Variants in MLLT3 observed in about 807,000 individuals in gnomAD.
MLLT3 encodes the protein protein AF-9.
In MLLT3, 4 loss-of-function variants were observed where a neutral mutation model predicts 53.2. The observed-to-expected ratio is 0.08, with a 90% CI of 0.04 to 0.17. MLLT3 has a LOEUF of 0.17. MLLT3 is among the 10% of genes least tolerant of loss of function. The pLI, the probability that MLLT3 is intolerant of heterozygous loss-of-function variation, is 1.00. For missense variants in MLLT3, 569 were observed against 684.0 expected (o/e 0.83, Z 1.87); for synonymous variants, 283 against 230.6 (o/e 1.23, Z -2.06).
At position 20,346,234 on chromosome 9, in the gene MLLT3, T is replaced by C. The variant is rs1587135027; in HGVS notation, c.*209A>G. The C allele has an allele frequency of 2.1e-6, 1 of 476,060 alleles. No homozygotes were observed. Among genetic ancestry groups the C allele is most frequent in the Non-Finnish European group, 3.6e-6 (1 of 277,960 alleles). The allele number at this position is 476,060 out of a possible 1,614,324, so 29.5% of individuals were successfully genotyped here. A position where few individuals can be genotyped will look rare whatever the true frequency, so the allele number is the denominator to read the frequency against. On this transcript the variant is annotated 3_prime_UTR_variant, in exon 11 of 11. Coordinates refer to ENST00000380338, the MANE Select transcript of MLLT3 (RefSeq NM_004529.4). ...GAGAAGAGTGGTCCGCTGAGGCTGG[T>C]TTGCTTTAACCTCTCCTTTATCAAG...
chr9:20,351,779 G>A (rs1821035540), intron 10 of MLLT3, among the ~76,000 whole-genome samples: 1 of 152,180 alleles, frequency 6.6e-6, no homozygotes, highest in Non-Finnish European at 1.5e-5. Context: ...GAGATGAGCA[G>A]CCCTCAAGGT....
chr9:20,432,138 G>T (rs773961237), intron 4 of MLLT3, among the ~76,000 whole-genome samples: 8 of 152,130 alleles, frequency 5.3e-5, no homozygotes, highest in Non-Finnish European at 1.2e-4. Flanking sequence ...TTCAAATTCA[G>T]CAGATACTTA....
intron 5 of MLLT3, among the ~76,000 whole-genome samples, chr9:20,401,199 T>TA (rs1822445165): frequency 1.3e-5 from 2 of 152,174 alleles, no homozygotes; most frequent in South Asian, 4.1e-4. Flanking sequence ...TACATGAAGG[T>TA]AAAGCTCTGC....
chr9:20,354,490 C>T (rs530044181), intron 9 of MLLT3, among the ~76,000 whole-genome samples: 1 of 152,352 alleles, frequency 6.6e-6, no homozygotes, highest in African/African-American at 2.4e-5. Context: ...AGATGTCTTG[C>T]TCATCTACAT....
At chr9:20,355,095 T>TAAAAAAAAAAA (rs531598773) in intron 8 of MLLT3, among the ~76,000 whole-genome samples, 6 of 64,154 alleles carry the variant, frequency 9.4e-5, no homozygotes, top group African/African-American at 3.3e-4. Flanking sequence ...AAAGTAGAAC[T>TAAAAAAAAAAA]AAAAAAAAAA....
At chr9:20,503,375 C>T (rs748628813) in intron 2 of MLLT3, among the ~76,000 whole-genome samples, 1 of 152,018 alleles carries the variant, frequency 6.6e-6, no homozygotes, top group Admixed American at 6.5e-5. Flanking sequence ...GAATAGAGGG[C>T]CCAGAAATAA....
intron 5 of MLLT3, among the ~76,000 whole-genome samples, chr9:20,372,554 A>ATTTTTTTTTTTTT (rs34889625): frequency 1.2e-5 from 1 of 82,224 alleles, no homozygotes. Context: ...CGCCCGGCTA[A>ATTTTTTTTTTTTT]TTTTTTTTTT....
At chr9:20,367,877 T>C (rs1296914551) in intron 5 of MLLT3, among the ~76,000 whole-genome samples, 2 of 152,206 alleles carry the variant, frequency 1.3e-5, no homozygotes, top group African/African-American at 4.8e-5. Context: ...TTTCCAGCAC[T>C]GAATTCTCAC....
chr9:20,554,011 T>G (rs138430106), intron 2 of MLLT3, among the ~76,000 whole-genome samples: 27 of 152,286 alleles, frequency 1.8e-4, no homozygotes, highest in African/African-American at 6.3e-4. Context: ...CCAGCAGCTT[T>G]TCATACCCTT....
intron 2 of MLLT3, among the ~76,000 whole-genome samples, chr9:20,558,188 A>G (rs912222106): frequency 6.6e-6 from 1 of 152,214 alleles, no homozygotes; most frequent in African/African-American, 2.4e-5. Flanking sequence ...GACCACTACA[A>G]CAACCATCCC....
intron 2 of MLLT3, among the ~76,000 whole-genome samples, chr9:20,569,657 C>T (rs371241621): frequency 1.3e-5 from 2 of 152,126 alleles, no homozygotes; most frequent in African/African-American, 2.4e-5. Context: ...GAAAACTCAG[C>T]GGTGTCCTTG....
intron 4 of MLLT3, chr9:20,415,418 A>G: frequency 1.1e-6 from 1 of 943,498 alleles, no homozygotes. Flanking sequence ...TAGGAACAAA[A>G]TCTAAGTCCA....
At position 20,344,970 on chromosome 9, in the gene MLLT3, G is replaced by C. The variant is rs1317157379; in HGVS notation, c.*1473C>G. 2 of 216,448 alleles carry C rather than the reference G, an allele frequency of 9.2e-6. No individual in the cohort carries two copies. Among genetic ancestry groups the C allele is most frequent in the Admixed American group, 1.2e-4 (2 of 17,222 alleles). 13.4% of individuals were successfully genotyped at this position (216,448 alleles called of 1,614,324 possible). A position where few individuals can be genotyped will look rare whatever the true frequency, so the allele number is the denominator to read the frequency against. ...TTCTTCATTTCTCTTCTTTTCGGCT[G>C]AATTTCTAGTAAAAACTTTGAAGAT... On this transcript the variant is annotated 3_prime_UTR_variant, in exon 11 of 11. Transcript: ENST00000380338.
At chr9:20,386,253 T>C (rs1822033561) in intron 5 of MLLT3, among the ~76,000 whole-genome samples, 1 of 152,126 alleles carries the variant, frequency 6.6e-6, no homozygotes, top group Non-Finnish European at 1.5e-5. Flanking sequence ...TTAGGGCAAG[T>C]GTTGTTCTGT....
intron 2 of MLLT3, among the ~76,000 whole-genome samples, chr9:20,480,615 T>C (rs1824637565): frequency 6.6e-6 from 1 of 152,224 alleles, no homozygotes; most frequent in African/African-American, 2.4e-5. Flanking sequence ...TCTTCCGAGC[T>C]AGGCACTTCA....
chr9:20,576,613 A>T (rs1157167307), intron 2 of MLLT3, among the ~76,000 whole-genome samples: 1 of 152,154 alleles, frequency 6.6e-6, no homozygotes, highest in African/African-American at 2.4e-5. Context: ...CACAGCATAT[A>T]TCTAGTTCGC....
chr9:20,347,762 T>C (rs1820913431), intron 10 of MLLT3, among the ~76,000 whole-genome samples: 1 of 152,228 alleles, frequency 6.6e-6, no homozygotes, highest in African/African-American at 2.4e-5. Context: ...TTGAGTTGTC[T>C]GTTATTCTCT....
intron 2 of MLLT3, among the ~76,000 whole-genome samples, chr9:20,511,625 G>T (rs1817751514): frequency 6.6e-6 from 1 of 152,182 alleles, no homozygotes; most frequent in Non-Finnish European, 1.5e-5. Flanking sequence ...CATGGCCTAT[G>T]ACAGAGCCTA....
chr9:20,363,406 T>C, intron 7 of MLLT3, 70 bp downstream of exon 7: 1 of 1,574,098 alleles, frequency 6.4e-7, no homozygotes, highest in East Asian at 2.3e-5. Context: ...TTTGCTGTGA[T>C]TATCCCAGCA....
Sources: gnomAD v4.1 joint callset for allele counts (sites outside exome capture counted in the v4.1 genomes callset) on GRCh38, gnomAD v4.1.1 for gene constraint, MANE v1.5 for transcripts, NCBI Gene and HGNC (gene_info 2026-07-23, HGNC 2026-07-21) for gene names.